The following IKZF1 variants were observed in gnomAD, a reference collection of about 807,000 sequenced individuals.
IKZF1 encodes IKAROS family zinc finger 1.
A neutral mutation model predicts 51.7 loss-of-function variants in IKZF1; 10 were observed. That is an observed-to-expected ratio of 0.19 (90% CI 0.12 to 0.33). The LOEUF (loss-of-function observed/expected upper bound fraction) is 0.33, where lower values mean the gene tolerates loss of function less well. IKZF1 is among the 10% of genes least tolerant of loss of function. The pLI is 1.00. For missense variants in IKZF1, 484 were observed against 707.5 expected (o/e 0.68, Z 3.58); for synonymous variants, 280 against 282.3 (o/e 0.99, Z 0.08).
intron 3 of IKZF1, among the ~76,000 whole-genome samples, chr7:50,348,012 AG>A (rs1449557042): frequency 1.3e-5 from 2 of 152,200 alleles, no homozygotes; most frequent in East Asian, 3.8e-4. Context: ...ACCACAGAGC[AG>A]GGGGCCATGC....
At chr7:50,396,455 G>A (rs1210919977) in intron 7 of IKZF1, among the ~76,000 whole-genome samples, 1 of 151,662 alleles carries the variant, frequency 6.6e-6, no homozygotes, top group East Asian at 1.9e-4. Context: ...ATTTTATTTT[G>A]AATACTTTTA....
intron 3 of IKZF1, among the ~76,000 whole-genome samples, chr7:50,358,411 T>C (rs1329548290): frequency 6.6e-6 from 1 of 152,194 alleles, no homozygotes; most frequent in Non-Finnish European, 1.5e-5. Context: ...GTGAAGGCTG[T>C]GGGACGGGGC....
chr7:50,389,059 G>T (rs1206167794), intron 6 of IKZF1, among the ~76,000 whole-genome samples: 1 of 152,222 alleles, frequency 6.6e-6, no homozygotes, highest in East Asian at 1.9e-4. Context: ...GAAACAAGCT[G>T]CAGTACACAG....
At chr7:50,339,075 A>T (rs1387837926) in intron 3 of IKZF1, among the ~76,000 whole-genome samples, 1 of 152,156 alleles carries the variant, frequency 6.6e-6, no homozygotes, top group African/African-American at 2.4e-5. Flanking sequence ...CACCACAGAA[A>T]TCGGTGAACG....
At chr7:50,358,301 T>C (rs1272444349) in intron 3 of IKZF1, among the ~76,000 whole-genome samples, 1 of 152,218 alleles carries the variant, frequency 6.6e-6, no homozygotes, top group African/African-American at 2.4e-5. Context: ...TGATATCTAC[T>C]AGGAAAAAAC....
At chr7:50,399,798 G>T in intron 7 of IKZF1, 120 bp from the exon 8 acceptor site, 1 of 1,436,988 alleles carries the variant, frequency 7.0e-7, no homozygotes, top group Non-Finnish European at 9.2e-7. Context: ...CCGCAGGCGT[G>T]CTGGGCCCCC....
chr7:50,393,912 G>T (rs971346411), intron 7 of IKZF1: 2 of 232,828 alleles, frequency 8.6e-6, no homozygotes, highest in Non-Finnish European at 1.7e-5. Context: ...GTCAGGTGAG[G>T]AGCCTGGAGA....
Position 50,404,586 on chromosome 7 carries a change from G to T in IKZF1, c.*3959G>T. The T allele has an allele frequency of 4.4e-6, 1 of 229,172 alleles. No individual in the cohort carries two copies. The highest frequency in any genetic ancestry group is 6.2e-5 in the East Asian group (1 of 16,148). 14.2% of individuals were successfully genotyped at this position (229,172 alleles called of 1,614,324 possible). On this transcript the variant is annotated 3_prime_UTR_variant, in exon 8 of 8. Transcript: ENST00000331340. ...GCTGCAATACCACTTGGGAACACAT[G>T]TGGTGTCTTGATGTGGCCAGCGCAG...
intron 3 of IKZF1, among the ~76,000 whole-genome samples, chr7:50,359,731 C>T (rs1011135963): frequency 5.9e-5 from 9 of 152,262 alleles, no homozygotes; most frequent in East Asian, 1.9e-4. Context: ...CCCAATTCCA[C>T]GCTCCTCAGC....
intron 7 of IKZF1, among the ~76,000 whole-genome samples, chr7:50,399,348 C>T (rs1817523652): frequency 6.6e-6 from 1 of 151,806 alleles, no homozygotes; most frequent in Non-Finnish European, 1.5e-5. Flanking sequence ...AAAAAATATA[C>T]AATCATCATG....
At chr7:50,337,176 G>C (rs967968639) in intron 3 of IKZF1, among the ~76,000 whole-genome samples, 3 of 152,082 alleles carry the variant, frequency 2.0e-5, no homozygotes, top group African/African-American at 4.8e-5. Flanking sequence ...GGAACCAAGG[G>C]AAGAAAGAAG....
intron 3 of IKZF1, among the ~76,000 whole-genome samples, chr7:50,329,552 A>G (rs1373914729): frequency 6.6e-6 from 1 of 152,256 alleles, no homozygotes; most frequent in Non-Finnish European, 1.5e-5. Context: ...AGTTTAAATA[A>G]AAACATCAAG....
rs753011859 is a variant in IKZF1 at position 50,403,794 on chromosome 7, C to T, written c.*3167C>T. On this transcript the variant is annotated 3_prime_UTR_variant, in exon 8 of 8. Coordinates refer to ENST00000331340, the MANE Select transcript of IKZF1 (RefSeq NM_006060.6). ...GAGATGTAGTTTTGTTATATGGTTC[C>T]CCACCGACCATTTTTGTGCTTTTTT... is the stretch of plus-strand genomic sequence containing the variant. The T allele has an allele frequency of 7.1e-5, 16 of 226,764 alleles. No homozygotes were observed. The highest frequency in any genetic ancestry group is 1.4e-4 in the Non-Finnish European group (16 of 113,756). 14.0% of individuals were successfully genotyped at this position (226,764 alleles called of 1,614,324 possible).
rs1272890792 is a variant in IKZF1, at chr7:50,403,377, CTT to C, written c.*2751_*2752del. 4.5e-6 allele frequency: 1 copy of C among 222,982 alleles called. No homozygotes were observed. The highest frequency in any genetic ancestry group is 9.0e-6 in the Non-Finnish European group (1 of 111,616). The allele number at this position is 222,982 out of a possible 1,614,324, so 13.8% of individuals were successfully genotyped here. A position where few individuals can be genotyped will look rare whatever the true frequency, so the allele number is the denominator to read the frequency against. On this transcript the variant is annotated 3_prime_UTR_variant, in exon 8 of 8. Transcript: ENST00000331340. ...GTTGTATGATGGCGTGAGTGTGTGT[CTT>C]GGGTACCGCTGTGTACTACTGTGTG...
At chr7:50,317,282 C>T (rs1054911284) in intron 1 of IKZF1, among the ~76,000 whole-genome samples, 17 of 152,218 alleles carry the variant, frequency 1.1e-4, no homozygotes, top group East Asian at 3.8e-4. Context: ...TGATAGGCCG[C>T]GCTAAAATAC....
At chr7:50,350,299 G>A (rs1288491506) in intron 3 of IKZF1, among the ~76,000 whole-genome samples, 1 of 152,230 alleles carries the variant, frequency 6.6e-6, no homozygotes, top group Non-Finnish European at 1.5e-5. Flanking sequence ...AGCTCCAGAG[G>A]CTGGTCCCTG....
intron 7 of IKZF1, among the ~76,000 whole-genome samples, chr7:50,398,404 G>A (rs754408432): frequency 3.3e-5 from 5 of 152,164 alleles, no homozygotes; most frequent in African/African-American, 9.6e-5. Flanking sequence ...ACCTTCACTC[G>A]GTCCTGCCAC....
At chr7:50,369,030 C>G (rs1056465926) in intron 3 of IKZF1, 1 of 224,870 alleles carries the variant, frequency 4.4e-6, no homozygotes, top group Non-Finnish European at 8.9e-6. Flanking sequence ...ACTTTTCCAG[C>G]CTATAGAAGT....
At chr7:50,329,301 T>C (rs1423975837) in intron 3 of IKZF1, among the ~76,000 whole-genome samples, 1 of 152,032 alleles carries the variant, frequency 6.6e-6, no homozygotes, top group Non-Finnish European at 1.5e-5. Flanking sequence ...GGCTACTATA[T>C]GTGGAAAGTA....
Sources: gnomAD v4.1 joint callset for allele counts (sites outside exome capture counted in the v4.1 genomes callset) on GRCh38, gnomAD v4.1.1 for gene constraint, MANE v1.5 for transcripts, NCBI Gene and HGNC (gene_info 2026-07-23, HGNC 2026-07-21) for gene names.